ADAMTSL3: variants seen among roughly 807,000 people sequenced by gnomAD.
ADAMTSL3 encodes the protein ADAMTS like 3.
A neutral mutation model predicts 201.7 loss-of-function variants in ADAMTSL3; 128 were observed. That is an observed-to-expected ratio of 0.63 (90% confidence interval 0.55 to 0.73). The LOEUF is 0.73. Ranked by LOEUF, ADAMTSL3 falls within the 30% of genes least tolerant of loss-of-function variation. ADAMTSL3 has a pLI of 0.00. For synonymous variants in ADAMTSL3, 738 were observed against 748.4 expected (o/e 0.99, Z 0.23); for missense variants, 1,990 against 2,119.6 (o/e 0.94, Z 1.20).
chr15:83,784,855 G>A (rs976776533), intron 4 of ADAMTSL3, among the ~76,000 whole-genome samples: 1 of 151,620 alleles, frequency 6.6e-6, no homozygotes, highest in African/African-American at 2.4e-5. Flanking sequence ...TTTATCTTCA[G>A]TTTATTGGCA....
intron 2 of ADAMTSL3, among the ~76,000 whole-genome samples, chr15:83,677,303 C>T (rs961714295): frequency 5.7e-4 from 87 of 152,102 alleles, no homozygotes; most frequent in African/African-American, 2.0e-3. Flanking sequence ...TGGTTGATGG[C>T]GTTGTTTAGT....
intron 4 of ADAMTSL3, among the ~76,000 whole-genome samples, chr15:83,793,796 G>A (rs2063380609): frequency 1.3e-5 from 2 of 152,106 alleles, no homozygotes; most frequent in Admixed American, 6.6e-5. Context: ...TAAAAGAATA[G>A]AGTGGGAGGA....
intron 7 of ADAMTSL3, among the ~76,000 whole-genome samples, chr15:83,848,232 T>A (rs2064542458): frequency 6.6e-6 from 1 of 152,120 alleles, no homozygotes; most frequent in Non-Finnish European, 1.5e-5. Context: ...GTTGTCAAAG[T>A]GAGAGTCACT....
chr15:83,860,019 T>C (rs1233941375), intron 8 of ADAMTSL3, among the ~76,000 whole-genome samples: 1 of 151,604 alleles, frequency 6.6e-6, no homozygotes, highest in Non-Finnish European at 1.5e-5. Context: ...AAAAAAAAAA[T>C]TAGCTAGGCA....
intron 23 of ADAMTSL3, among the ~76,000 whole-genome samples, chr15:84,008,412 G>C (rs924671513): frequency 5.3e-5 from 8 of 152,092 alleles, no homozygotes; most frequent in African/African-American, 1.9e-4. Context: ...GAGTTCTTAG[G>C]CCTTACCTTA....
At chr15:84,029,580 G>A (rs1415007539) in intron 27 of ADAMTSL3, among the ~76,000 whole-genome samples, 4 of 152,184 alleles carry the variant, frequency 2.6e-5, no homozygotes, top group Non-Finnish European at 5.9e-5. Flanking sequence ...TCAAAGGGAA[G>A]CAGAGCATAA....
At chr15:83,756,186 A>T (rs2062717121) in intron 3 of ADAMTSL3, among the ~76,000 whole-genome samples, 1 of 152,112 alleles carries the variant, frequency 6.6e-6, no homozygotes, top group African/African-American at 2.4e-5. Context: ...TTACATTCCC[A>T]CCAGCAATGA....
chr15:83,873,917 G>A lies in ADAMTSL3; in HGVS notation c.960+2958G>A, dbSNP rs1329910965. Among the ~76,000 whole-genome samples, 3 of 145,178 alleles carry A rather than the reference G, an allele frequency of 2.1e-5. 1 individual carries two copies. The highest frequency in any genetic ancestry group is 4.5e-5 in the Non-Finnish European group (3 of 66,732). Reference sequence around the variant, plus strand: ...TAAAGTAGGGTTATTATTATTTTTAGCTTAGTCTTTTGTTTTGACAGCCAC... The same window carrying A: ...TAAAGTAGGGTTATTATTATTTTTAACTTAGTCTTTTGTTTTGACAGCCAC... On this transcript the variant is annotated intron_variant, in intron 9 of 29. Coordinates refer to ENST00000286744, the MANE Select transcript of ADAMTSL3 (RefSeq NM_207517.3).
chr15:83,951,975 G>A (rs573419329), intron 19 of ADAMTSL3, among the ~76,000 whole-genome samples: 56 of 151,976 alleles, frequency 3.7e-4, no homozygotes, highest in African/African-American at 1.0e-3. Flanking sequence ...TTCATTGATC[G>A]TTTGTATCGT....
chr15:84,016,541 A>G (rs371318252), intron 25 of ADAMTSL3, 42 bp downstream of exon 25: 4 of 1,477,966 alleles, frequency 2.7e-6, no homozygotes, highest in Non-Finnish European at 3.8e-6. Context: ...TGTGTGAGGC[A>G]TGTGTAAGGA....
intron 7 of ADAMTSL3, among the ~76,000 whole-genome samples, chr15:83,839,140 G>T (rs1302395334): frequency 1.8e-4 from 28 of 152,144 alleles, no homozygotes; most frequent in Non-Finnish European, 1.5e-5. Context: ...CCCCTTGTTG[G>T]TGGTATTCAG....
intron 4 of ADAMTSL3, among the ~76,000 whole-genome samples, chr15:83,797,411 G>A (rs2063443931): frequency 1.3e-5 from 2 of 152,258 alleles, no homozygotes; most frequent in South Asian, 4.2e-4. Context: ...TCAGGAGTTT[G>A]AGACCAGCAA....
Position 84,036,883 on chromosome 15 carries a change from T to C in ADAMTSL3, c.4865T>C (p.Val1622Ala). Reference sequence around the variant, plus strand: ...GGCAGGGGTTTCCAGTCTCGGAAAGTCGACTGTATCCACACAAGGAGTTGC... The same window carrying C: ...GGCAGGGGTTTCCAGTCTCGGAAAGCCGACTGTATCCACACAAGGAGTTGC... ...ACGRGFQSRK[V>A]DCIHTRSCKP... Residue 1622 changes from valine to alanine, a missense_variant, in exon 29 of 30, where the codon GTC becomes GCC. Transcript: ENST00000286744. The C allele has an allele frequency of 6.2e-7, 1 of 1,614,116 alleles. No homozygotes were observed. The highest frequency in any genetic ancestry group is 8.5e-7 in the Non-Finnish European group (1 of 1,180,022).
intron 3 of ADAMTSL3, among the ~76,000 whole-genome samples, chr15:83,728,323 C>A (rs1303356928): frequency 6.6e-6 from 1 of 150,608 alleles, no homozygotes; most frequent in Admixed American, 6.6e-5. Flanking sequence ...CACTCTATGT[C>A]TTTTGATTGG....
intron 19 of ADAMTSL3, among the ~76,000 whole-genome samples, chr15:83,964,444 A>G (rs1336310125): frequency 6.6e-6 from 1 of 152,128 alleles, no homozygotes; most frequent in African/African-American, 2.4e-5. Flanking sequence ...GATGAACTTA[A>G]TGAAATAAGC....
intron 3 of ADAMTSL3, among the ~76,000 whole-genome samples, chr15:83,764,790 C>T (rs1439246124): frequency 1.3e-5 from 2 of 151,978 alleles, no homozygotes; most frequent in African/African-American, 4.8e-5. Context: ...AAATGCTTCC[C>T]AAGCAGGATG....
chr15:83,933,463 A>G (rs1308252612), intron 17 of ADAMTSL3, among the ~76,000 whole-genome samples: 3 of 152,222 alleles, frequency 2.0e-5, no homozygotes, highest in Non-Finnish European at 4.4e-5. Context: ...TCACAAAGAG[A>G]TGATTTGGAA....
chr15:83,826,147 CCAGGCTGGAGTGTAATGGTGTGGTTA>C (rs2064016989), intron 6 of ADAMTSL3, among the ~76,000 whole-genome samples: 1 of 151,970 alleles, frequency 6.6e-6, no homozygotes, highest in African/African-American at 2.4e-5. Context: ...GCTTTGTTGT[CCAGGCTGGAGTGTAATGGTGTGGTTA>C]CAGCTCACTG....
chr15:83,717,205 T>C (rs1212238515), intron 3 of ADAMTSL3, among the ~76,000 whole-genome samples: 1 of 152,216 alleles, frequency 6.6e-6, no homozygotes, highest in Non-Finnish European at 1.5e-5. Flanking sequence ...GTTGATTGAA[T>C]CTCTGTAATG....
Sources: gnomAD v4.1 joint callset for allele counts (sites outside exome capture counted in the v4.1 genomes callset) on GRCh38, gnomAD v4.1.1 for gene constraint, MANE v1.5 for transcripts, NCBI Gene and HGNC (gene_info 2026-07-23, HGNC 2026-07-21) for gene names.